Variants in LRRC4C observed in about 807,000 individuals in gnomAD.
LRRC4C encodes the protein leucine rich repeat containing 4C, also known as leucine-rich repeat-containing protein 4C.
LRRC4C carries 5 observed loss-of-function variants against 33.6 expected under a neutral mutation model. That is an observed-to-expected ratio of 0.15 (90% CI 0.08 to 0.31). The LOEUF is 0.31. LRRC4C is among the 10% of genes least tolerant of loss of function. The pLI is 1.00. For synonymous variants in LRRC4C, 329 were observed against 302.0 expected (o/e 1.09, Z -0.93); for missense variants, 560 against 796.7 (o/e 0.70, Z 3.58).
rs1335622084 is a variant in LRRC4C, at chr11:40,218,625, TG to T, written c.-96+22893del. On this transcript the variant is annotated intron_variant, in intron 5 of 6. Coordinates refer to ENST00000528697, the MANE Select transcript of LRRC4C (RefSeq NM_001258419.2). Reference sequence around the variant, plus strand: ...ATGTATGTATGTATGTATGTATGTATGTATGTATGTATCTATTTATCTATCT... The same window carrying T: ...ATGTATGTATGTATGTATGTATGTATTATGTATGTATCTATTTATCTATCT... Among the ~76,000 whole-genome samples the T allele has an allele frequency of 6.1e-3, 870 of 143,216 alleles. 19 individuals carry two copies. Among genetic ancestry groups the T allele is most frequent in the African/African-American group, 0.022 (797 of 36,238 alleles). 94.0% of individuals were successfully genotyped at this position (143,216 alleles called of 152,430 possible). A position where few individuals can be genotyped will look rare whatever the true frequency, so the allele number is the denominator to read the frequency against.
At chr11:40,610,388 A>C (rs1445478170) in intron 3 of LRRC4C, among the ~76,000 whole-genome samples, 1 of 151,810 alleles carries the variant, frequency 6.6e-6, no homozygotes, top group African/African-American at 2.4e-5. Context: ...AAGGCCATAC[A>C]TGAAAAGCCC....
At chr11:40,206,106 T>C (rs751988080) in intron 5 of LRRC4C, among the ~76,000 whole-genome samples, 4 of 152,194 alleles carry the variant, frequency 2.6e-5, no homozygotes, top group Non-Finnish European at 4.4e-5. Flanking sequence ...TAGCCTATAA[T>C]AAGCAGTATA....
intron 6 of LRRC4C, among the ~76,000 whole-genome samples, chr11:40,136,603 C>T (rs1218613900): frequency 3.3e-5 from 5 of 152,006 alleles, no homozygotes; most frequent in Non-Finnish European, 7.4e-5. Flanking sequence ...CTTACCTACT[C>T]GCTTCAATCC....
At chr11:41,281,089 CT>C (rs1326551664) in intron 1 of LRRC4C, among the ~76,000 whole-genome samples, 2 of 99,674 alleles carry the variant, frequency 2.0e-5, no homozygotes, top group Non-Finnish European at 4.5e-5. Flanking sequence ...CTCTCTCTCT[CT>C]CTCTCTCTCT....
At chr11:40,394,019 G>T (rs375664387) in intron 3 of LRRC4C, among the ~76,000 whole-genome samples, 1 of 152,068 alleles carries the variant, frequency 6.6e-6, no homozygotes, top group South Asian at 2.1e-4. Flanking sequence ...AGACCATGAA[G>T]AGTAAGAAGG....
intron 3 of LRRC4C, among the ~76,000 whole-genome samples, chr11:40,439,736 G>A (rs929193385): frequency 1.3e-5 from 2 of 152,176 alleles, no homozygotes; most frequent in Non-Finnish European, 2.9e-5. Flanking sequence ...ACAGGCATGA[G>A]CCACCGGGCC....
chr11:40,193,703 C>T (rs1862029917), intron 5 of LRRC4C, among the ~76,000 whole-genome samples: 1 of 151,988 alleles, frequency 6.6e-6, no homozygotes, highest in Non-Finnish European at 1.5e-5. Context: ...AAGCTAAGAA[C>T]CTTGATATGA....
chr11:41,242,993 C>A (rs1458270421), intron 1 of LRRC4C, among the ~76,000 whole-genome samples: 2 of 152,130 alleles, frequency 1.3e-5, no homozygotes, highest in Non-Finnish European at 2.9e-5. Flanking sequence ...GAAAAAAATT[C>A]TATCCCTGTT....
chr11:41,406,339 G>A (rs1370759405), intron 1 of LRRC4C, among the ~76,000 whole-genome samples: 1 of 152,082 alleles, frequency 6.6e-6, no homozygotes, highest in Non-Finnish European at 1.5e-5. Context: ...GGAAATCATA[G>A]AATTCCATCT....
intron 1 of LRRC4C, among the ~76,000 whole-genome samples, chr11:40,973,398 C>G (rs1163242647): frequency 1.3e-5 from 2 of 152,058 alleles, no homozygotes; most frequent in African/African-American, 4.8e-5. Flanking sequence ...GGATAATTGT[C>G]AGACAAGACA....
chr11:41,188,555 A>G (rs1945798805), intron 1 of LRRC4C, among the ~76,000 whole-genome samples: 1 of 152,084 alleles, frequency 6.6e-6, no homozygotes, highest in Non-Finnish European at 1.5e-5. Flanking sequence ...TAAGAACAAT[A>G]ATAGCAATCA....
At chr11:41,032,404 G>C (rs909584355) in intron 1 of LRRC4C, among the ~76,000 whole-genome samples, 1 of 151,750 alleles carries the variant, frequency 6.6e-6, no homozygotes, top group Non-Finnish European at 1.5e-5. Context: ...CAACCTGAAG[G>C]TTCCCTATAA....
chr11:40,610,013 A>G (rs925614248), intron 3 of LRRC4C, among the ~76,000 whole-genome samples: 3 of 152,022 alleles, frequency 2.0e-5, no homozygotes, highest in Non-Finnish European at 4.4e-5. Flanking sequence ...AAAAATCGAA[A>G]AAGAGGCAAC....
intron 5 of LRRC4C, among the ~76,000 whole-genome samples, chr11:40,142,271 C>T (rs1397837781): frequency 4.8e-5 from 3 of 62,216 alleles, no homozygotes; most frequent in African/African-American, 1.4e-4. Flanking sequence ...CAGTGAGATT[C>T]TGTCTCAAAA....
At chr11:40,543,991 C>T (rs1956821562) in intron 3 of LRRC4C, among the ~76,000 whole-genome samples, 1 of 152,090 alleles carries the variant, frequency 6.6e-6, no homozygotes, top group Non-Finnish European at 1.5e-5. Flanking sequence ...CTCTCAGCAT[C>T]TATATATAGA....
At chr11:40,495,833 T>TG (rs1565445877) in intron 3 of LRRC4C, among the ~76,000 whole-genome samples, 4 of 74,152 alleles carry the variant, frequency 5.4e-5, no homozygotes, top group African/African-American at 1.9e-4. Flanking sequence ...TTTTTTTTTT[T>TG]TTTTTTTTTT....
intron 2 of LRRC4C, among the ~76,000 whole-genome samples, chr11:40,763,444 G>A (rs755812535): frequency 3.3e-5 from 5 of 152,064 alleles, no homozygotes; most frequent in Admixed American, 6.6e-5. Flanking sequence ...TGCCCAACAG[G>A]AACACCAAAT....
intron 3 of LRRC4C, among the ~76,000 whole-genome samples, chr11:40,571,736 C>G (rs1028840197): frequency 1.3e-5 from 2 of 152,086 alleles, no homozygotes; most frequent in African/African-American, 4.8e-5. Flanking sequence ...TTTAAACACC[C>G]CCTATAGCTT....
chr11:40,798,923 C>T (rs886716461), intron 2 of LRRC4C, among the ~76,000 whole-genome samples: 3 of 152,096 alleles, frequency 2.0e-5, no homozygotes, highest in Non-Finnish European at 2.9e-5. Flanking sequence ...GGATTACGAG[C>T]GTGAGCCACC....
Sources: gnomAD v4.1 joint callset for allele counts (sites outside exome capture counted in the v4.1 genomes callset) on GRCh38, gnomAD v4.1.1 for gene constraint, MANE v1.5 for transcripts, NCBI Gene and HGNC (gene_info 2026-07-23, HGNC 2026-07-21) for gene names.